The following PBRM1 variants were observed in gnomAD, a reference collection of about 807,000 sequenced individuals.
The protein encoded by PBRM1 is polybromo 1.
PBRM1 carries 27 observed loss-of-function variants against 194.5 expected under a neutral mutation model. The ratio of observed to expected loss-of-function variants is 0.14; its 90% CI spans 0.10 to 0.19. The LOEUF (loss-of-function observed/expected upper bound fraction) is 0.19. Ranked by LOEUF, PBRM1 falls within the 10% of genes least tolerant of loss-of-function variation. The pLI, the probability that PBRM1 is intolerant of heterozygous loss-of-function variation, is 1.00. For synonymous variants in PBRM1, 655 were observed against 693.2 expected, an observed-to-expected ratio of 0.94 and a Z score of 0.87; for missense variants, 1,466 against 2,077.2, an observed-to-expected ratio of 0.71 and a Z score of 5.72.
intron 2 of PBRM1, among the ~76,000 whole-genome samples, chr3:52,670,132 G>C (rs1178398606): frequency 6.6e-6 from 1 of 152,166 alleles, no homozygotes; most frequent in Non-Finnish European, 1.5e-5. Flanking sequence ...ACTATCTGTA[G>C]ACAATTGAGA....
intron 17 of PBRM1, among the ~76,000 whole-genome samples, chr3:52,591,817 CTTTTT>C: frequency 1.1e-5 from 1 of 94,956 alleles, no homozygotes; most frequent in Non-Finnish European, 2.1e-5. Context: ...TGCGCCCGGC[CTTTTT>C]TTTTTTTTTT....
At chr3:52,587,570 C>T (rs999425913) in intron 18 of PBRM1, 60 bp from the exon 21 acceptor site, 66 of 731,668 alleles carry the variant, frequency 9.0e-5, no homozygotes, top group Middle Eastern at 3.4e-4. Flanking sequence ...ACAGAAATCA[C>T]TTTTTTTTTT....
chr3:52,633,619 A>T (rs1279860278), intron 11 of PBRM1, among the ~76,000 whole-genome samples: 1 of 152,188 alleles, frequency 6.6e-6, no homozygotes, highest in Non-Finnish European at 1.5e-5. Context: ...ACCATTTTAC[A>T]TTCCCACTAT....
rs1462880910 is a variant in PBRM1, at chr3:52,676,133, A to T, written c.236+2367T>A. Among the ~76,000 whole-genome samples the T allele has an allele frequency of 1.9e-3, 69 of 35,612 alleles. 14 individuals are homozygous for T. The highest frequency in any genetic ancestry group is 3.5e-3 in the Non-Finnish European group (60 of 17,022). The allele number at this position is 35,612 out of a possible 152,430, so 23.4% of individuals were successfully genotyped here. A position where few individuals can be genotyped will look rare whatever the true frequency, so the allele number is the denominator to read the frequency against. On this transcript the variant is annotated intron_variant, in intron 2 of 29. Coordinates refer to ENST00000296302, the Ensembl canonical transcript of PBRM1. ...CCGTCTCAAAAAAAAAAAAAAAAAA[A>T]AAAAAAAAAAAAAAAAAAATAATGA...
At chr3:52,678,087 G>A (rs984266111) in intron 2 of PBRM1, among the ~76,000 whole-genome samples, 1 of 152,048 alleles carries the variant, frequency 6.6e-6, no homozygotes, top group Non-Finnish European at 1.5e-5. Flanking sequence ...GCCCAGGCTG[G>A]TCTCAAATTC....
intron 20 of PBRM1, chr3:52,586,098 GC>G (rs2092347236): frequency 5.5e-6 from 1 of 180,242 alleles, no homozygotes; most frequent in Admixed American, 5.6e-5. Flanking sequence ...ACCACACCCA[GC>G]TAATTTTTGT....
At chr3:52,638,967 C>T (rs934096847) in intron 10 of PBRM1, among the ~76,000 whole-genome samples, 6 of 117,562 alleles carry the variant, frequency 5.1e-5, no homozygotes, top group African/African-American at 6.9e-5. Context: ...ATTTGCATAA[C>T]GTTATTCACA....
chr3:52,682,357 T>G (rs946069132), upstream of PBRM1: 7 of 128,274 alleles, frequency 5.5e-5, no homozygotes, highest in African/African-American at 2.0e-4. Flanking sequence ...AGACACCATA[T>G]AAAAATTTGA....
chr3:52,573,237 C>A (rs1215630682), intron 22 of PBRM1, among the ~76,000 whole-genome samples: 1 of 152,062 alleles, frequency 6.6e-6, no homozygotes, highest in African/African-American at 2.4e-5. Context: ...AAATGAGATC[C>A]TGGATATAAA....
At chr3:52,660,160 T>C (rs2096689106) in intron 4 of PBRM1, among the ~76,000 whole-genome samples, 1 of 152,160 alleles carries the variant, frequency 6.6e-6, no homozygotes, top group Non-Finnish European at 1.5e-5. Flanking sequence ...CAATTTCTCA[T>C]CAATTATGCG....
chr3:52,565,821 C>T (rs926435389), intron 22 of PBRM1, among the ~76,000 whole-genome samples: 8 of 151,756 alleles, frequency 5.3e-5, no homozygotes, highest in Non-Finnish European at 7.4e-5. Context: ...GAGGCCGAGG[C>T]GGGTGGATCA....
intron 3 of PBRM1, among the ~76,000 whole-genome samples, chr3:52,663,072 AAAAAT>A (rs1213469114): frequency 6.6e-6 from 1 of 152,224 alleles, no homozygotes; most frequent in African/African-American, 2.4e-5. Context: ...GCAATGTTCA[AAAAAT>A]AAAATAAAAC....
At chr3:52,675,992 G>A (rs1255641069) in intron 2 of PBRM1, among the ~76,000 whole-genome samples, 1 of 96,646 alleles carries the variant, frequency 1.0e-5, no homozygotes, top group East Asian at 2.8e-4. Flanking sequence ...GCGGGCGCCT[G>A]TAGTCCCAGC....
chr3:52,545,846 G>C (rs1214957544), downstream of PBRM1: 2 of 232,802 alleles, frequency 8.6e-6, no homozygotes, highest in Non-Finnish European at 1.7e-5. Context: ...ACTTTCTTGA[G>C]TCAATTTTTT....
chr3:52,677,600 A>T (rs1020358929), intron 2 of PBRM1, among the ~76,000 whole-genome samples: 1 of 151,958 alleles, frequency 6.6e-6, no homozygotes, highest in African/African-American at 2.4e-5. Context: ...TTTAGTAGAG[A>T]CGGGGTTTCA....
At chr3:52,650,056 G>C (rs180672868) in intron 6 of PBRM1, among the ~76,000 whole-genome samples, 1 of 152,040 alleles carries the variant, frequency 6.6e-6, no homozygotes, top group East Asian at 1.9e-4. Flanking sequence ...AACAGTTATT[G>C]GGCTGATTTA....
At chr3:52,645,045 AG>A (rs1204789109) in intron 7 of PBRM1, among the ~76,000 whole-genome samples, 2 of 152,228 alleles carry the variant, frequency 1.3e-5, no homozygotes, top group African/African-American at 2.4e-5. Flanking sequence ...ATTTAGACAA[AG>A]ATCTAATGGT....
intron 10 of PBRM1, among the ~76,000 whole-genome samples, chr3:52,638,109 A>T (rs1201649263): frequency 6.6e-6 from 1 of 152,138 alleles, no homozygotes; most frequent in Non-Finnish European, 1.5e-5. Flanking sequence ...TACTGTGGTA[A>T]AGATTACTTT....
chr3:52,649,635 A>T (rs1028374228), intron 6 of PBRM1, among the ~76,000 whole-genome samples: 2 of 152,196 alleles, frequency 1.3e-5, no homozygotes, highest in African/African-American at 4.8e-5. Context: ...CACTTAAATT[A>T]GTCAGAGTTG....
Sources: gnomAD v4.1 joint callset for allele counts (sites outside exome capture counted in the v4.1 genomes callset) on GRCh38, gnomAD v4.1.1 for gene constraint, MANE v1.5 for transcripts, NCBI Gene and HGNC (gene_info 2026-07-23, HGNC 2026-07-21) for gene names.